URGCP: variants seen among roughly 807,000 people sequenced by gnomAD.
URGCP encodes upregulator of cell proliferation.
A neutral mutation model predicts 24.6 loss-of-function variants in URGCP; 13 were observed. The ratio of observed to expected loss-of-function variants is 0.53; its 90% CI spans 0.34 to 0.84. The LOEUF (loss-of-function observed/expected upper bound fraction) is 0.84, where lower values mean the gene tolerates loss of function less well. Among genes scored for constraint, URGCP ranks in the 40% least tolerant of loss-of-function variants. The pLI is 0.01. For missense variants in URGCP, 899 were observed against 1,194.3 expected (o/e 0.75, Z 3.64); for synonymous variants, 444 against 487.2 (o/e 0.91, Z 1.17).
At chr7:43,882,457 C>T (rs945266561) in intron 3 of URGCP, among the ~76,000 whole-genome samples, 56 of 152,036 alleles carry the variant, frequency 3.7e-4, no homozygotes, top group African/African-American at 1.3e-3. Flanking sequence ...CAAAAACAAA[C>T]GAACAAACAA....
chr7:43,881,817 T>C, intron 4 of URGCP, 90 bp downstream of exon 4: 1 of 1,604,960 alleles, frequency 6.2e-7, no homozygotes. Flanking sequence ...CTTCTCCCAA[T>C]TGTTCTAAAT....
intron 1 of URGCP, among the ~76,000 whole-genome samples, chr7:43,920,518 G>A (rs1015545902): frequency 1.3e-5 from 2 of 152,172 alleles, no homozygotes; most frequent in Non-Finnish European, 2.9e-5. Context: ...AGCCAAGATC[G>A]CACCATTGCA....
chr7:43,890,709 G>C (rs544469535), intron 1 of URGCP, among the ~76,000 whole-genome samples: 2 of 152,314 alleles, frequency 1.3e-5, no homozygotes, highest in South Asian at 4.1e-4. Context: ...GGGGTGACCT[G>C]ATCGCCACCC....
chr7:43,885,529 C>T (rs565301686), intron 3 of URGCP, among the ~76,000 whole-genome samples: 15 of 152,264 alleles, frequency 9.9e-5, no homozygotes, highest in Admixed American at 9.2e-4. Context: ...TAAAGAATAA[C>T]CACTGGAGGT....
At chr7:43,904,978 ACCT>A (rs2095898380) in intron 1 of URGCP, among the ~76,000 whole-genome samples, 1 of 152,122 alleles carries the variant, frequency 6.6e-6, no homozygotes, top group Non-Finnish European at 1.5e-5. Context: ...AGGTTTTGAG[ACCT>A]CAGCTTTTGC....
chr7:43,889,482 G>T (rs1370332486), intron 1 of URGCP: 1 of 152,166 alleles, frequency 6.6e-6, no homozygotes, highest in African/African-American at 2.4e-5. Context: ...CACTTCCAAC[G>T]GCCCTACTCA....
At chr7:43,890,284 G>C (rs533482604) in intron 1 of URGCP, among the ~76,000 whole-genome samples, 1 of 142,656 alleles carries the variant, frequency 7.0e-6, no homozygotes, top group South Asian at 2.2e-4. Flanking sequence ...GCGTGATCTC[G>C]ACTCACTGCA....
intron 1 of URGCP, chr7:43,919,613 A>G (rs2095919804): frequency 2.8e-6 from 4 of 1,405,496 alleles, no homozygotes; most frequent in African/African-American, 1.4e-5. Flanking sequence ...ACGTGATGGT[A>G]TCCACAGGCC....
At position 43,887,408 on chromosome 7, in the gene URGCP, A is replaced by AC; in HGVS notation, c.112+6dup. 1.2e-6 allele frequency: 2 copies of AC among 1,613,424 alleles called. No homozygotes were observed. The highest frequency in any genetic ancestry group is 1.7e-6 in the Non-Finnish European group (2 of 1,179,692). Reference sequence around the variant, plus strand: ...AGTGGGCCCACATCCAATTCATCCAACTTTACCTGCAATGGCCACAGCTGT... The same window carrying AC: ...AGTGGGCCCACATCCAATTCATCCAACCTTTACCTGCAATGGCCACAGCTGT... On this transcript the variant is annotated splice_region_variant and intron_variant, in intron 3 of 5. Transcript: ENST00000453200.
rs1211499027 is a variant in URGCP at position 43,877,132 on chromosome 7, C to A, written c.2331G>T (p.Leu777=). The change falls in exon 6 of 6, where the codon CTG becomes CTT. Residue 777 remains leucine, a synonymous_variant. Transcript: ENST00000453200. ...CGGTGACATTGCTCAGTCCCATGAG[C>A]AGAGTGGCCAAGGAAGCCTCCAGCT... The part of the protein sequence containing the change: ...RFELEASLAT[L]LMGLSNVTVI... 6.2e-7 allele frequency: 1 copy of A among 1,614,076 alleles called. No individual in the cohort carries two copies. The highest frequency in any genetic ancestry group is 8.5e-7 in the Non-Finnish European group (1 of 1,180,032).
Position 43,877,691 on chromosome 7 carries a change from G to A in URGCP, c.1772C>T (p.Thr591Ile). The A allele has an allele frequency of 6.2e-7, 1 of 1,613,858 alleles. No individual in the cohort carries two copies. The highest frequency in any genetic ancestry group is 8.5e-7 in the Non-Finnish European group (1 of 1,179,968). The stretch of plus-strand genomic sequence containing the variant: ...GGTGCCCCCATGCTTTGGTCTCAGG[G>A]TGAGAAGCGTCTCCGGAGGCTGTCT... ...RLRQPPETLL[T>I]LRPKHGGTTD... The change falls in exon 6 of 6, where the codon ACC becomes ATC. Residue 591 changes from threonine to isoleucine, a missense_variant. Thr to Ile is a moderately conservative substitution (Grantham distance 89). Transcript: ENST00000453200.
intron 1 of URGCP, among the ~76,000 whole-genome samples, chr7:43,904,882 C>T (rs1410234027): frequency 6.6e-6 from 1 of 152,206 alleles, no homozygotes; most frequent in East Asian, 1.9e-4. Context: ...AGGCAACTAA[C>T]ACAATGATAA....
intron 1 of URGCP, chr7:43,919,991 C>T (rs933266928): frequency 6.0e-6 from 8 of 1,341,484 alleles, no homozygotes; most frequent in African/African-American, 4.3e-5. Context: ...GATTGTGCAG[C>T]AGCTCATGGA....
At chr7:43,901,288 C>T (rs2095890202) in intron 1 of URGCP, among the ~76,000 whole-genome samples, 1 of 152,166 alleles carries the variant, frequency 6.6e-6, no homozygotes, top group Non-Finnish European at 1.5e-5. Context: ...CAGTCCATCC[C>T]CATGGAGAGG....
chr7:43,925,983 T>C (rs954476318), intron 1 of URGCP: 18 of 152,118 alleles, frequency 1.2e-4, no homozygotes, highest in African/African-American at 4.1e-4. Flanking sequence ...GTTCTCAATG[T>C]TGGCAGTGCA....
At chr7:43,904,006 T>G (rs950479449) in intron 1 of URGCP, among the ~76,000 whole-genome samples, 22 of 152,238 alleles carry the variant, frequency 1.4e-4, no homozygotes, top group African/African-American at 5.3e-4. Context: ...GAGTGAGGCC[T>G]GTTCGAAAGA....
At chr7:43,883,825 A>G (rs1562575485) in intron 3 of URGCP, among the ~76,000 whole-genome samples, 1 of 152,160 alleles carries the variant, frequency 6.6e-6, no homozygotes, top group Non-Finnish European at 1.5e-5. Context: ...GAAAGAGAAA[A>G]AGAAAATGGG....
intron 1 of URGCP, among the ~76,000 whole-genome samples, chr7:43,894,614 TC>T (rs1322343877): frequency 1.3e-5 from 2 of 152,152 alleles, no homozygotes; most frequent in African/African-American, 4.8e-5. Flanking sequence ...CCTGTCTCGG[TC>T]TCCCAAAGTG....
chr7:43,906,781 C>T (rs2095904214), upstream of URGCP: 1 of 311,438 alleles, frequency 3.2e-6, no homozygotes, highest in African/African-American at 2.2e-5. Flanking sequence ...GCGGGGCGGC[C>T]CAGGTCAGCC....
Sources: gnomAD v4.1 joint callset for allele counts (sites outside exome capture counted in the v4.1 genomes callset) on GRCh38, gnomAD v4.1.1 for gene constraint, MANE v1.5 for transcripts, NCBI Gene and HGNC (gene_info 2026-07-23, HGNC 2026-07-21) for gene names.